CENPU: variants seen among roughly 807,000 people sequenced by gnomAD.
CENPU encodes KSHV latent nuclear antigen interacting protein 1.
A neutral mutation model predicts 56.7 loss-of-function variants in CENPU; 46 were observed. That is an observed-to-expected ratio of 0.81 (90% CI 0.64 to 1.04). CENPU has a LOEUF of 1.04. CENPU is among the 50% of genes least tolerant of loss of function. CENPU has a pLI of 0.00. For missense variants in CENPU, 510 were observed against 490.1 expected (o/e 1.04, Z -0.38); for synonymous variants, 166 against 163.0 (o/e 1.02, Z -0.14).
chr4:184,733,373 G>A (rs1437381330), intron 1 of CENPU: 39 of 989,632 alleles, frequency 3.9e-5, no homozygotes, highest in Non-Finnish European at 4.7e-5. Flanking sequence ...ATGGCTTTGT[G>A]CACCGTCTGC....
At position 184,715,008 on chromosome 4, in the gene CENPU, TCAA is replaced by T. The variant is rs765809294; in HGVS notation, c.618+1386_618+1388del. Among the ~76,000 whole-genome samples, 12 of 152,188 alleles carry T rather than the reference TCAA, an allele frequency of 7.9e-5. No individual in the cohort carries two copies. The South Asian group carries it at 1.2e-3, about 16-fold the overall frequency. On this transcript the variant is annotated intron_variant, in intron 6 of 12. Transcript: ENST00000281453. ...CACATGGGATGTTCACCAAGACAGA[TCAA>T]CAACAGAGATCATAGTTTGCTTCAA... is the stretch of plus-strand genomic sequence containing the variant.
chr4:184,715,788 A>G (rs556055439), intron 6 of CENPU, among the ~76,000 whole-genome samples: 1 of 152,360 alleles, frequency 6.6e-6, no homozygotes, highest in East Asian at 1.9e-4. Context: ...ATTGTTGAAT[A>G]CTTAATAATA....
chr4:184,704,592 AAT>A (rs1273591401), intron 8 of CENPU, among the ~76,000 whole-genome samples: 1 of 152,152 alleles, frequency 6.6e-6, no homozygotes, highest in Non-Finnish European at 1.5e-5. Flanking sequence ...TACATGACTG[AAT>A]ATGATTCCAC....
intron 8 of CENPU, among the ~76,000 whole-genome samples, chr4:184,708,969 A>C (rs1011706709): frequency 5.9e-5 from 9 of 152,202 alleles, no homozygotes; most frequent in African/African-American, 2.2e-4. Context: ...AGTTATAAAT[A>C]CAACTTTTTT....
At chr4:184,701,420 G>A (rs1760531651) in intron 10 of CENPU, among the ~76,000 whole-genome samples, 1 of 152,166 alleles carries the variant, frequency 6.6e-6, no homozygotes, top group African/African-American at 2.4e-5. Context: ...GCAATCACTG[G>A]AAGGAAAACG....
intron 4 of CENPU, among the ~76,000 whole-genome samples, chr4:184,718,550 C>T (rs1367722653): frequency 1.3e-5 from 2 of 152,088 alleles, no homozygotes; most frequent in Non-Finnish European, 2.9e-5. Context: ...GGTGTATGGG[C>T]GGGTAGGCCA....
chr4:184,716,441 G>C lies in CENPU; in HGVS notation c.574C>G (p.Gln192Glu). The part of the protein sequence containing the change: ...TSKKTGPLSA[Q>E]PSVEKENLAI... ...AAGTTCTCTTTTTCAACAGAGGGCT[G>C]GGCACTAAGGGGTCCTGTCTTTTTA... is the stretch of plus-strand genomic sequence containing the variant. Residue 192 changes from glutamine to glutamate, a missense_variant, in exon 6 of 13, where the codon CAG becomes GAG. By Grantham distance (29) the Gln-to-Glu change is conservative (BLOSUM62 2). Transcript: ENST00000281453. The C allele has an allele frequency of 6.2e-7, 1 of 1,614,108 alleles. No homozygotes were observed. The highest frequency in any genetic ancestry group is 8.5e-7 in the Non-Finnish European group (1 of 1,179,996).
At chr4:184,714,850 C>T (rs1056449331) in intron 6 of CENPU, among the ~76,000 whole-genome samples, 7 of 151,970 alleles carry the variant, frequency 4.6e-5, no homozygotes, top group African/African-American at 1.7e-4. Flanking sequence ...AAAAAAATAC[C>T]TCCTCTATGT....
intron 2 of CENPU, among the ~76,000 whole-genome samples, 176 bp downstream of exon 2, chr4:184,730,744 A>T (rs1421706396): frequency 6.6e-6 from 1 of 152,190 alleles, no homozygotes; most frequent in Non-Finnish European, 1.5e-5. Context: ...ATTCTAAAAC[A>T]TTAACAAAAG....
chr4:184,694,541 A>G lies in CENPU; in HGVS notation c.*747T>C. The G allele has an allele frequency of 6.3e-7, 1 of 1,581,950 alleles. No individual in the cohort carries two copies. ...ATAAAGGAAGAAGAGTTTACAACAG[A>G]TGAAGCAGATGAAACTAGGAGCAAT... On this transcript the variant is annotated 3_prime_UTR_variant, in exon 13 of 13. Coordinates refer to ENST00000281453, the MANE Select transcript of CENPU (RefSeq NM_024629.4).
intron 8 of CENPU, among the ~76,000 whole-genome samples, chr4:184,708,916 A>C (rs1277870928): frequency 3.9e-5 from 6 of 152,194 alleles, no homozygotes; most frequent in Admixed American, 3.9e-4. Flanking sequence ...CACACAACAG[A>C]AGGGGAAATT....
intron 3 of CENPU, among the ~76,000 whole-genome samples, chr4:184,726,423 C>T (rs1761453614): frequency 6.6e-6 from 1 of 151,832 alleles, no homozygotes. Flanking sequence ...TGCTGAACAC[C>T]ATTAGTAATT....
chr4:184,716,513 T>G lies in CENPU; in HGVS notation c.502A>C (p.Thr168Pro). The change falls in exon 6 of 13, where the codon ACA (threonine) becomes CCA (proline). Residue 168 changes from threonine (T) to proline (P), a missense_variant. Thr to Pro is a conservative substitution (Grantham distance 38). Transcript: ENST00000281453. ...TTCTCTGAAAGTTCTGAAGACGCTGTGGTTCGAATAACCTCATGACGTTGT... is the reference window on the plus strand; with the variant it reads ...TTCTCTGAAAGTTCTGAAGACGCTGGGGTTCGAATAACCTCATGACGTTGT... The part of the protein sequence containing the change: ...STQRHEVIRT[T>P]ASSELSEKPA... The G allele has an allele frequency of 1.9e-6, 3 of 1,614,198 alleles. No homozygotes were observed. The highest frequency in any genetic ancestry group is 2.5e-6 in the Non-Finnish European group (3 of 1,180,016).
At chr4:184,698,953 G>A (rs1297886216) in intron 11 of CENPU, among the ~76,000 whole-genome samples, 3 of 151,910 alleles carry the variant, frequency 2.0e-5, no homozygotes, top group Non-Finnish European at 4.4e-5. Flanking sequence ...ATATACCATA[G>A]GTTTTTTTAT....
At chr4:184,711,514 T>G (rs1760924773) in intron 7 of CENPU, among the ~76,000 whole-genome samples, 1 of 152,038 alleles carries the variant, frequency 6.6e-6, no homozygotes, top group Non-Finnish European at 1.5e-5. Flanking sequence ...AACTTATACC[T>G]CCTATCTAAC....
rs1445201836 is a variant in CENPU at position 184,734,048 on chromosome 4, C to G, written c.15G>C (p.Gly5=). 13 of 1,571,242 alleles carry G rather than the reference C, an allele frequency of 8.3e-6. No individual in the cohort carries two copies. The highest frequency in any genetic ancestry group is 1.1e-5 in the Non-Finnish European group (13 of 1,160,238). Residue 5 remains glycine, a synonymous_variant, in exon 1 of 13, where the codon GGG becomes GGC. Transcript: ENST00000281453. ...ACCTGTGAGGCCGCGGCCGCCGCCG[C>G]CCCCGCGGGGCCATGGTGCCGCTCT... MAPR[G]RRRPRPHRSE...
chr4:184,728,327 A>G (rs1343517773), intron 3 of CENPU, among the ~76,000 whole-genome samples: 1 of 152,200 alleles, frequency 6.6e-6, no homozygotes, highest in Non-Finnish European at 1.5e-5. Flanking sequence ...AATTCTCTTA[A>G]AACTTATTCC....
chr4:184,723,826 A>G (rs1452837745), intron 4 of CENPU, among the ~76,000 whole-genome samples: 1 of 129,240 alleles, frequency 7.7e-6, no homozygotes, highest in Non-Finnish European at 1.6e-5. Flanking sequence ...CTGGTGACAG[A>G]GCGAGACTCC....
chr4:184,714,070 C>T (rs1475682948), intron 6 of CENPU: 1 of 152,232 alleles, frequency 6.6e-6, no homozygotes, highest in African/African-American at 2.4e-5. Flanking sequence ...AAAGAGACAA[C>T]TCACGGCTCA....
Sources: gnomAD v4.1 joint callset for allele counts (sites outside exome capture counted in the v4.1 genomes callset) on GRCh38, gnomAD v4.1.1 for gene constraint, MANE v1.5 for transcripts, NCBI Gene and HGNC (gene_info 2026-07-23, HGNC 2026-07-21) for gene names.